FANCL: variants seen among roughly 807,000 people sequenced by gnomAD.
FANCL encodes FA complementation group L, also known as E3 ubiquitin-protein ligase FANCL.
In FANCL, 69 loss-of-function variants were observed where a neutral mutation model predicts 59.4. The observed-to-expected ratio is 1.16, with a 90% confidence interval of 0.96 to 1.42. The LOEUF (loss-of-function observed/expected upper bound fraction) is 1.42, where lower values mean the gene tolerates loss of function less well. FANCL is among the 40% of genes most tolerant of loss of function. FANCL has a pLI of 0.00. For missense variants in FANCL, 519 were observed against 447.2 expected, an observed-to-expected ratio of 1.16 and a Z score of -1.45; for synonymous variants, 180 against 147.1, an observed-to-expected ratio of 1.22 and a Z score of -1.62.
intron 11 of FANCL, among the ~76,000 whole-genome samples, chr2:58,161,855 T>G (rs908769431): frequency 1.3e-5 from 2 of 151,956 alleles, no homozygotes; most frequent in Non-Finnish European, 2.9e-5. Flanking sequence ...TCTATGTGTT[T>G]AAAACACAAG....
At chr2:58,228,150 C>G (rs565605898) in intron 3 of FANCL, among the ~76,000 whole-genome samples, 3 of 151,560 alleles carry the variant, frequency 2.0e-5, no homozygotes, top group South Asian at 4.2e-4. Flanking sequence ...CCATATTAGT[C>G]AAAATGGAGA....
intron 3 of FANCL, among the ~76,000 whole-genome samples, chr2:58,227,420 T>C (rs1317444876): frequency 3.9e-5 from 6 of 152,152 alleles, no homozygotes; most frequent in Non-Finnish European, 8.8e-5. Context: ...TTTTATTAAG[T>C]GCAAGTAGCT....
rs1369604240 is a variant in FANCL at position 58,204,186 on chromosome 2, T to C, written c.415A>G (p.Lys139Glu). 1 of 1,613,354 alleles carries C rather than the reference T, an allele frequency of 6.2e-7. No homozygotes were observed. The highest frequency in any genetic ancestry group is 1.1e-5 in the South Asian group (1 of 91,060). The change falls in exon 6 of 14, where the codon AAA (lysine) becomes GAA (glutamate). Residue 139 changes from lysine (K) to glutamate (E), a missense_variant. Physicochemically the swap from Lys to Glu is moderately conservative, Grantham distance 56. Transcript: ENST00000233741. The stretch of plus-strand genomic sequence containing the variant: ...TCTCTACCAGAAGCATCTTCTGCTT[T>C]TAACTTGATGGTACTGAAGCAGGTA... ...ADTCFSTIKL[K>E]AEDASGREHL... is the part of the protein sequence containing the mutation.
chr2:58,173,455 A>G (rs933606620), intron 7 of FANCL, among the ~76,000 whole-genome samples: 1 of 152,212 alleles, frequency 6.6e-6, no homozygotes, highest in African/African-American at 2.4e-5. Context: ...AAACTCTACA[A>G]GCCAGAAGAG....
At chr2:58,240,211 C>G (rs1374752743) in intron 1 of FANCL, among the ~76,000 whole-genome samples, 1 of 151,686 alleles carries the variant, frequency 6.6e-6, no homozygotes, top group East Asian at 1.9e-4. Flanking sequence ...AAGAATACTT[C>G]TAATTGGAGA....
At chr2:58,172,813 A>G (rs896905969) in intron 7 of FANCL, among the ~76,000 whole-genome samples, 8 of 152,224 alleles carry the variant, frequency 5.3e-5, no homozygotes, top group East Asian at 1.9e-4. Flanking sequence ...TTGAGAGAAG[A>G]AGGCTTCAGA....
At position 58,198,259 on chromosome 2, in the gene FANCL, G is replaced by C. The variant is rs568148204; in HGVS notation, c.540+335C>G. Among the ~76,000 whole-genome samples, 18 of 152,272 alleles carry C rather than the reference G, an allele frequency of 1.2e-4. No individual in the cohort carries two copies. The South Asian group carries it at 3.3e-3, about 28-fold the overall frequency. On this transcript the variant is annotated intron_variant, in intron 7 of 13. Coordinates refer to ENST00000233741, the MANE Select transcript of FANCL (RefSeq NM_018062.4). ...GACTACCTAAGTAAAAACAGTTACA[G>C]TTGGCCCTACCCACGGATTCCACAT...
chr2:58,214,772 C>T (rs1378755720), intron 5 of FANCL, among the ~76,000 whole-genome samples: 1 of 152,088 alleles, frequency 6.6e-6, no homozygotes, highest in African/African-American at 2.4e-5. Context: ...CTCAGCCCCC[C>T]AAAGTACTGG....
At chr2:58,232,948 T>C (rs1693715881) in intron 1 of FANCL, among the ~76,000 whole-genome samples, 1 of 152,000 alleles carries the variant, frequency 6.6e-6, no homozygotes, top group South Asian at 2.1e-4. Context: ...CATGTGGAAT[T>C]TTAACACAGT....
Position 58,221,992 on chromosome 2 carries a change from G to C in FANCL, c.324C>G (p.Pro108=), listed in dbSNP as rs374302037. 4 of 1,613,380 alleles carry C rather than the reference G, an allele frequency of 2.5e-6. No homozygotes were observed. The African/African-American group carries it at 4.0e-5, about 16-fold the overall frequency. ...CTTCAATAAGGCTTGAGTAGAACTG[G>C]GGAGGAGGAGGTAGTGCATACAGCT... is the stretch of plus-strand genomic sequence containing the variant. ...RQELYALPPP[P]QFYSSLIEEI... is the part of the protein sequence containing the mutation. The change falls in exon 5 of 14, where the codon CCC becomes CCG. Residue 108 remains proline (P), a synonymous_variant. Transcript: ENST00000233741.
At chr2:58,217,642 T>C (rs750837379) in intron 5 of FANCL, among the ~76,000 whole-genome samples, 61 of 152,050 alleles carry the variant, frequency 4.0e-4, no homozygotes, top group African/African-American at 7.7e-4. Context: ...ACAAGGAAGA[T>C]ATAGCAATTA....
In FANCL at chr2:58,160,029, T is replaced by C. The variant is rs1171411625; in HGVS notation, c.1092+79A>G. ...TTCAAAAGTTTTAGATAAACTGATA[T>C]ACTATATAGATCTATCTTCTAGAAC... On this transcript the variant is annotated intron_variant, in intron 13 of 13. Coordinates refer to ENST00000233741, the MANE Select transcript of FANCL (RefSeq NM_018062.4). 31 of 1,598,560 alleles carry C rather than the reference T, an allele frequency of 1.9e-5. No homozygotes were observed. In the African/African-American group the frequency reaches 2.2e-4, roughly 11 times the overall value.
At chr2:58,210,469 G>C (rs1343066891) in intron 5 of FANCL, among the ~76,000 whole-genome samples, 1 of 151,988 alleles carries the variant, frequency 6.6e-6, no homozygotes, top group Admixed American at 6.6e-5. Context: ...ATGAGACTTG[G>C]GTAGGGACAC....
Position 58,165,738 on chromosome 2 carries a change from C to T in FANCL, c.677G>A (p.Arg226His), listed in dbSNP as rs745526326. 1.2e-5 allele frequency: 20 copies of T among 1,614,078 alleles called. No homozygotes were observed. Among genetic ancestry groups the T allele is most frequent in the East Asian group, 2.2e-5 (1 of 44,870 alleles). The change falls in exon 8 of 14, where the codon CGC becomes CAC. Residue 226 changes from arginine to histidine, a missense_variant. Transcript: ENST00000233741. ...CTTGTCCCTACCTAATGCAATTCTG[C>T]GTGCTGTTGCACTCCGTGGAGGTTT... The part of the protein sequence containing the change: ...PEKPPRSATA[R>H]RIALGNNVSI...
At chr2:58,228,332 G>A (rs1373891605) in intron 3 of FANCL, among the ~76,000 whole-genome samples, 1 of 152,160 alleles carries the variant, frequency 6.6e-6, no homozygotes, top group Non-Finnish European at 1.5e-5. Flanking sequence ...AACAATGCAT[G>A]AACACATATG....
At chr2:58,185,526 A>C (rs1017327697) in intron 7 of FANCL, among the ~76,000 whole-genome samples, 2 of 152,172 alleles carry the variant, frequency 1.3e-5, no homozygotes, top group African/African-American at 4.8e-5. Context: ...AAAAAAACTA[A>C]ATGGCTTATT....
chr2:58,218,025 C>A (rs149233318), intron 5 of FANCL, among the ~76,000 whole-genome samples: 4 of 152,104 alleles, frequency 2.6e-5, no homozygotes, highest in African/African-American at 9.6e-5. Context: ...TAGACTTAAA[C>A]TGGAACTCAA....
chr2:58,189,291 C>A (rs909090540), intron 7 of FANCL, among the ~76,000 whole-genome samples: 1 of 151,912 alleles, frequency 6.6e-6, no homozygotes, highest in South Asian at 2.1e-4. Context: ...ATTTAAAAAA[C>A]CAGTCATTCT....
chr2:58,209,713 T>A (rs979099799), intron 5 of FANCL, among the ~76,000 whole-genome samples: 2 of 151,966 alleles, frequency 1.3e-5, no homozygotes, highest in African/African-American at 4.8e-5. Flanking sequence ...CTTTAAAAAA[T>A]GAAAAAATGT....
Sources: allele counts gnomAD v4.1 joint callset (sites outside exome capture counted in the v4.1 genomes callset), GRCh38; gene constraint gnomAD v4.1.1; transcripts MANE v1.5; gene names NCBI Gene and HGNC (gene_info 2026-07-23, HGNC 2026-07-21).